TLL2: variants seen among roughly 807,000 people sequenced by gnomAD.
TLL2 encodes tolloid like 2, also known as tolloid-like protein 2.
A neutral mutation model predicts 123.0 loss-of-function variants in TLL2; 106 were observed. The observed-to-expected ratio is 0.86, with a 90% CI of 0.74 to 1.01. TLL2 has a LOEUF of 1.01. TLL2 is among the 50% of genes least tolerant of loss of function. The pLI is 0.00. For missense variants in TLL2, 1,332 were observed against 1,336.7 expected, an observed-to-expected ratio of 1.00 and a Z score of 0.06; for synonymous variants, 494 against 516.8, an observed-to-expected ratio of 0.96 and a Z score of 0.60.
chr10:96,480,524 G>T, intron 1 of TLL2, 65 bp from the exon 2 acceptor site: 1 of 1,268,554 alleles, frequency 7.9e-7, no homozygotes. Context: ...ATTCACTAAT[G>T]CCCCAAAGGG....
intron 11 of TLL2, 88 bp from the exon 12 acceptor site, chr10:96,396,108 G>A (rs139094360): frequency 2.8e-4 from 417 of 1,513,692 alleles, no homozygotes; most frequent in East Asian, 7.3e-4. Flanking sequence ...GGGGAACAGC[G>A]CTTGCCACCA....
At chr10:96,486,538 C>T (rs1258730190) in intron 1 of TLL2, among the ~76,000 whole-genome samples, 7 of 152,186 alleles carry the variant, frequency 4.6e-5, no homozygotes, top group Admixed American at 4.6e-4. Context: ...TATAACCAAC[C>T]ATTTCTCATT....
intron 18 of TLL2, among the ~76,000 whole-genome samples, chr10:96,376,071 A>T (rs1224818305): frequency 6.6e-6 from 1 of 152,170 alleles, no homozygotes; most frequent in African/African-American, 2.4e-5. Context: ...CTTGGGGAAA[A>T]TTTTTAATTC....
In TLL2 at chr10:96,500,271, T is replaced by C. The variant is rs549893734; in HGVS notation, c.175+13240A>G. Among the ~76,000 whole-genome samples, 4 of 152,068 alleles carry C rather than the reference T, an allele frequency of 2.6e-5. No homozygotes were observed. The South Asian group carries it at 8.3e-4, about 32-fold the overall frequency. On this transcript the variant is annotated intron_variant, in intron 1 of 20. Transcript: ENST00000357947. ...AGTTCAAGGCTGCAGTGAGCTGTGA[T>C]TGCGCCACTGCACTTTAGCCTGGGT...
At chr10:96,510,836 A>T (rs1847622167) in intron 1 of TLL2, among the ~76,000 whole-genome samples, 2 of 152,324 alleles carry the variant, frequency 1.3e-5, no homozygotes, top group South Asian at 2.1e-4. Flanking sequence ...GCTCACACTG[A>T]AGTGCTTGCA....
rs768906042 is a variant in TLL2, at chr10:96,428,695, A to G, written c.574T>C (p.Cys192Arg). The change falls in exon 5 of 21, where the codon TGT (cysteine) becomes CGT (arginine). Residue 192 changes from cysteine (C) to arginine (R), a missense_variant. By Grantham distance (180) the Cys-to-Arg change is radical. Coordinates refer to ENST00000357947, the MANE Select transcript of TLL2 (RefSeq NM_012465.4). ...QAMRHWEKHTCVTFIERTDEE... is the reference protein window; with the variant it reads ...QAMRHWEKHTRVTFIERTDEE... ...TCCGTCCTTTCTATGAAGGTCACACAGGTGTGCTTCTCCCAGTGTCTCATG... is the reference window on the plus strand; with the variant it reads ...TCCGTCCTTTCTATGAAGGTCACACGGGTGTGCTTCTCCCAGTGTCTCATG... 1 of 1,614,064 alleles carries G rather than the reference A, an allele frequency of 6.2e-7. No individual in the cohort carries two copies. Among genetic ancestry groups the G allele is most frequent in the South Asian group, 1.1e-5 (1 of 91,056 alleles).
In TLL2 at chr10:96,494,344, T is replaced by C. The variant is rs140004432; in HGVS notation, c.176-13885A>G. On this transcript the variant is annotated intron_variant, in intron 1 of 20. Coordinates refer to ENST00000357947, the MANE Select transcript of TLL2 (RefSeq NM_012465.4). The stretch of plus-strand genomic sequence containing the variant: ...TGCCACCTCCTATCACCAACTGCAC[T>C]ATCCCCAAGACTCTGTTCCCTGGCT... Among the ~76,000 whole-genome samples, 879 of 152,316 alleles carry C rather than the reference T, an allele frequency of 5.8e-3. 5 individuals are homozygous for C. Among genetic ancestry groups the C allele is most frequent in the Middle Eastern group, 0.017 (5 of 294 alleles).
chr10:96,504,940 A>G (rs1156809875), intron 1 of TLL2, among the ~76,000 whole-genome samples: 2 of 152,338 alleles, frequency 1.3e-5, no homozygotes, highest in South Asian at 2.1e-4. Flanking sequence ...CCTGGGAGGC[A>G]GAGCGTTCAG....
chr10:96,371,016 C>A (rs17111753), intron 19 of TLL2, among the ~76,000 whole-genome samples: 10,278 of 152,154 alleles, frequency 0.068, 849 homozygotes, highest in East Asian at 0.44. Flanking sequence ...GACACTTAAG[C>A]CCACATAAAA....
At chr10:96,481,184 T>C (rs756316513) in intron 1 of TLL2, among the ~76,000 whole-genome samples, 5 of 151,958 alleles carry the variant, frequency 3.3e-5, no homozygotes, top group Non-Finnish European at 4.4e-5. Context: ...TCTTGCTCTG[T>C]AGCCCAGTCT....
At chr10:96,441,722 G>T in intron 3 of TLL2, among the ~76,000 whole-genome samples, 1 of 152,196 alleles carries the variant, frequency 6.6e-6, no homozygotes, top group East Asian at 1.9e-4. Context: ...AATGCCTGCG[G>T]TGAGTAAGGG....
chr10:96,491,781 C>T (rs1213919966), intron 1 of TLL2, among the ~76,000 whole-genome samples: 1 of 152,130 alleles, frequency 6.6e-6, no homozygotes, highest in East Asian at 1.9e-4. Context: ...GCTGATTTCC[C>T]TGTGTAAATG....
At chr10:96,502,520 C>T (rs189313241) in intron 1 of TLL2, among the ~76,000 whole-genome samples, 8 of 152,064 alleles carry the variant, frequency 5.3e-5, no homozygotes, top group East Asian at 1.9e-4. Context: ...TTGTGTTGGG[C>T]GGGGTGAGAA....
chr10:96,510,093 C>T (rs182834237), intron 1 of TLL2, among the ~76,000 whole-genome samples: 218 of 152,330 alleles, frequency 1.4e-3, no homozygotes, highest in South Asian at 0.012. Context: ...CAAGGCCACA[C>T]GGTGAGTAAG....
intron 12 of TLL2, 93 bp from the exon 13 acceptor site, chr10:96,395,475 C>A: frequency 7.4e-7 from 1 of 1,356,222 alleles, no homozygotes; most frequent in South Asian, 1.5e-5. Flanking sequence ...CTCTCAAAAT[C>A]TAACCAAGAG....
At chr10:96,386,280 C>T in intron 14 of TLL2, 65 bp from the exon 15 acceptor site, 1 of 1,450,504 alleles carries the variant, frequency 6.9e-7, no homozygotes, top group Non-Finnish European at 9.2e-7. Flanking sequence ...GATTTCCCAC[C>T]AGGAGCAATA....
In TLL2 at chr10:96,444,337, T is replaced by C. The variant is rs77997283; in HGVS notation, c.364+1754A>G. Among the ~76,000 whole-genome samples the C allele has an allele frequency of 1.6e-3, 238 of 152,322 alleles. 6 individuals are homozygous for C. In the East Asian group the frequency reaches 0.044, roughly 28 times the overall value. On this transcript the variant is annotated intron_variant, in intron 3 of 20. Transcript: ENST00000357947. Reference sequence around the variant, plus strand: ...AAGCTTGAAGTGAACTGAATGCTAATTGATAAGGAAAACACTGAATAAATT... The same window carrying C: ...AAGCTTGAAGTGAACTGAATGCTAACTGATAAGGAAAACACTGAATAAATT...
intron 4 of TLL2, among the ~76,000 whole-genome samples, chr10:96,431,969 T>C (rs1234760896): frequency 6.6e-6 from 1 of 151,926 alleles, no homozygotes; most frequent in Non-Finnish European, 1.5e-5. Flanking sequence ...GATGGGCACA[T>C]GGCTGGTGAG....
intron 16 of TLL2, among the ~76,000 whole-genome samples, chr10:96,379,930 C>G (rs994350053): frequency 3.3e-5 from 5 of 152,194 alleles, no homozygotes; most frequent in Non-Finnish European, 4.4e-5. Context: ...GCTCAAGTGC[C>G]GCGACTCCAC....
Sources: gnomAD v4.1 joint callset for allele counts (sites outside exome capture counted in the v4.1 genomes callset) on GRCh38, gnomAD v4.1.1 for gene constraint, MANE v1.5 for transcripts, NCBI Gene and HGNC (gene_info 2026-07-23, HGNC 2026-07-21) for gene names.